The following PEX1 variants were observed in gnomAD, a reference collection of about 807,000 sequenced individuals.
PEX1 encodes peroxisomal ATPase PEX1.
A neutral mutation model predicts 152.5 loss-of-function variants in PEX1; 97 were observed. The observed-to-expected ratio is 0.64, with a 90% CI of 0.54 to 0.75. The LOEUF is 0.75. Ranked by LOEUF, PEX1 falls within the 30% of genes least tolerant of loss-of-function variation. The pLI is 0.00. For missense variants in PEX1, 1,357 were observed against 1,516.3 expected, an observed-to-expected ratio of 0.89 and a Z score of 1.74; for synonymous variants, 485 against 531.6, an observed-to-expected ratio of 0.91 and a Z score of 1.21.
intron 12 of PEX1, among the ~76,000 whole-genome samples, chr7:92,503,888 CA>C (rs1792052398): frequency 6.6e-6 from 1 of 152,086 alleles, no homozygotes; most frequent in Non-Finnish European, 1.5e-5. Flanking sequence ...AACCTTGAAG[CA>C]AGTCAATGCT....
At position 92,487,561 on chromosome 7, in the gene PEX1, A is replaced by T. The variant is rs991200065; in HGVS notation, c.3768-20T>A. On this transcript the variant is annotated intron_variant, in intron 23 of 23. Coordinates refer to ENST00000248633, the MANE Select transcript of PEX1 (RefSeq NM_000466.3). ...TCATATCTGAAAAAAGAAAGAGATA[A>T]TTTAATATGTATAAATACTACCATT... The T allele has an allele frequency of 5.9e-6, 7 of 1,179,378 alleles. No homozygotes were observed. In the African/African-American group the frequency reaches 9.0e-5, roughly 15 times the overall value. 73.1% of individuals were successfully genotyped at this position (1,179,378 alleles called of 1,614,324 possible).
chr7:92,522,743 A>T (rs533600607), intron 1 of PEX1, among the ~76,000 whole-genome samples: 141 of 152,336 alleles, frequency 9.3e-4, no homozygotes, highest in African/African-American at 3.3e-3. Context: ...TATCATCTTT[A>T]AAAATGTAGC....
intron 5 of PEX1, among the ~76,000 whole-genome samples, chr7:92,515,746 C>A (rs1305491358): frequency 6.6e-6 from 1 of 152,166 alleles, no homozygotes; most frequent in Non-Finnish European, 1.5e-5. Context: ...GTAATCCCAG[C>A]ACCTTGGGAG....
chr7:92,515,061 A>ATT (rs1792663351), intron 5 of PEX1, among the ~76,000 whole-genome samples: 1 of 136,044 alleles, frequency 7.4e-6, no homozygotes, highest in Non-Finnish European at 1.6e-5. Flanking sequence ...AAAAAAAAAA[A>ATT]ATTATCTATA....
intron 10 of PEX1, 27 bp from the exon 11 acceptor site, chr7:92,506,371 TCCCA>T: frequency 7.4e-7 from 1 of 1,344,876 alleles, no homozygotes; most frequent in Non-Finnish European, 1.1e-6. Context: ...TTATAGGAAT[TCCCA>T]ATATATTCAG....
rs145459569 is a variant in PEX1, at chr7:92,527,138, T to C, written c.129+1169A>G. Among the ~76,000 whole-genome samples, 104 of 152,330 alleles carry C rather than the reference T, an allele frequency of 6.8e-4. No individual in the cohort carries two copies. In the East Asian group the frequency reaches 0.019, roughly 28 times the overall value. ...TGCATGAATTAATTCTTATAAGTACTTCCCGAAGGCTCAAAATTTAAAACA... is the reference window on the plus strand; with the variant it reads ...TGCATGAATTAATTCTTATAAGTACCTCCCGAAGGCTCAAAATTTAAAACA... On this transcript the variant is annotated intron_variant, in intron 1 of 23. Transcript: ENST00000248633.
intron 5 of PEX1, among the ~76,000 whole-genome samples, chr7:92,516,064 AG>A (rs1316594257): frequency 0.12 from 8,628 of 71,588 alleles, 328 homozygotes; most frequent in Middle Eastern, 0.19. Context: ...AAAAAAGAAA[AG>A]AAAAGAAAAG....
In PEX1 at chr7:92,493,158, TAAAA is replaced by T. The variant is rs780108042; in HGVS notation, c.3031-33_3031-30del. 111 of 1,249,310 alleles carry T rather than the reference TAAAA, an allele frequency of 8.9e-5. 1 individual carries two copies. In the East Asian group the frequency reaches 2.1e-3, roughly 24 times the overall value. The allele number at this position is 1,249,310 out of a possible 1,614,324, so 77.4% of individuals were successfully genotyped here. ...AAAGGAGAAAAATTTATTTAACAAA[TAAAA>T]AATAAAATTAAAAATATTATCTTAA... is the stretch of plus-strand genomic sequence containing the variant. On this transcript the variant is annotated intron_variant, in intron 19 of 23. Coordinates refer to ENST00000248633, the MANE Select transcript of PEX1 (RefSeq NM_000466.3).
Position 92,519,017 on chromosome 7 carries a change from G to A in PEX1, c.335C>T (p.Ser112Leu). 2 of 1,611,548 alleles carry A rather than the reference G, an allele frequency of 1.2e-6. No homozygotes were observed. The highest frequency in any genetic ancestry group is 1.7e-6 in the Non-Finnish European group (2 of 1,177,696). Reference sequence around the variant, plus strand: ...TACCAGTATCTCCCAATCATCTGCTGAGAGGGGTTCCACCTCAACTTGTTG... The same window carrying A: ...TACCAGTATCTCCCAATCATCTGCTAAGAGGGGTTCCACCTCAACTTGTTG... ...SCQQVEVEPL[S>L]ADDWEILELH... is the part of the protein sequence containing the mutation. Residue 112 changes from serine (S) to leucine (L), a missense_variant, in exon 3 of 24, where the codon TCA becomes TTA. Transcript: ENST00000248633.
chr7:92,501,556 A>G lies in PEX1; in HGVS notation c.2534T>C (p.Leu845Ser), dbSNP rs146209557. Residue 845 changes from leucine (L) to serine (S), a missense_variant, in exon 15 of 24, where the codon TTA becomes TCA. Coordinates refer to ENST00000248633, the MANE Select transcript of PEX1 (RefSeq NM_000466.3). ...CATGAGTATCTGCCTAACTTCATGT[A>G]ACCCACCAATCTTGTCCCAACCCAG... ...RDLGWDKIGG[L>S]HEVRQILMDT... 3 of 1,613,858 alleles carry G rather than the reference A, an allele frequency of 1.9e-6. No homozygotes were observed. In the African/African-American group the frequency reaches 4.0e-5, roughly 22 times the overall value.
rs1238710210 is a variant in PEX1, at chr7:92,517,748, T to A, written c.767A>T (p.Gln256Leu). ...WTMIGSIFSF[Q>L]SEKKQETSWG... ...AGATGTCTCTTGTTTCTTCTCAGAT[T>A]GAAAGGAAAAAATGCTTCCTATCAT... The change falls in exon 5 of 24, where the codon CAA (glutamine) becomes CTA (leucine). Residue 256 changes from glutamine to leucine, a missense_variant. Transcript: ENST00000248633. The A allele has an allele frequency of 1.1e-5, 18 of 1,602,508 alleles. No homozygotes were observed. The highest frequency in any genetic ancestry group is 1.7e-4 in the Middle Eastern group (1 of 5,982).
At chr7:92,503,876 A>G (rs971513200) in intron 12 of PEX1, among the ~76,000 whole-genome samples, 2 of 152,168 alleles carry the variant, frequency 1.3e-5, no homozygotes, top group African/African-American at 4.8e-5. Flanking sequence ...TCAGCTCTTA[A>G]GAACCTTGAA....
Position 92,518,963 on chromosome 7 carries a change from A to G in PEX1, c.357+32T>C, listed in dbSNP as rs766846710. 3.5e-6 allele frequency: 5 copies of G among 1,438,252 alleles called. No individual in the cohort carries two copies. The Admixed American group carries it at 6.7e-5, about 19-fold the overall frequency. The allele number at this position is 1,438,252 out of a possible 1,614,324, so 89.1% of individuals were successfully genotyped here. ...TGATATTGTGAAGTAATTTAACCTT[A>G]AATGAGATAGTTCTTATTTGGTTTT... On this transcript the variant is annotated intron_variant, in intron 3 of 23. Coordinates refer to ENST00000248633, the MANE Select transcript of PEX1 (RefSeq NM_000466.3).
rs1791927158 is a variant in PEX1, at chr7:92,501,578, C to A, written c.2512G>T (p.Gly838Cys). ...TGTAACCCACCAATCTTGTCCCAAC[C>A]CAGGTCTCTAGGTTTATGCAGGTTG... ...SVNLHKPRDL[G>C]WDKIGGLHEV... Residue 838 changes from glycine (G) to cysteine (C), a missense_variant, in exon 15 of 24, where the codon GGT (glycine) becomes TGT (cysteine). By Grantham distance (159) the Gly-to-Cys change is radical. Coordinates refer to ENST00000248633, the MANE Select transcript of PEX1 (RefSeq NM_000466.3). 2 of 1,613,764 alleles carry A rather than the reference C, an allele frequency of 1.2e-6. No homozygotes were observed. The highest frequency in any genetic ancestry group is 1.7e-5 in the Admixed American group (1 of 59,972).
intron 2 of PEX1, among the ~76,000 whole-genome samples, chr7:92,521,515 A>G (rs543865900): frequency 1.3e-5 from 2 of 151,752 alleles, no homozygotes; most frequent in African/African-American, 4.8e-5. Context: ...GCTCACTGCA[A>G]CCTCCACCTC....
chr7:92,504,119 C>T lies in PEX1; in HGVS notation c.2071+613G>A, dbSNP rs192071866. On this transcript the variant is annotated intron_variant, in intron 12 of 23. Transcript: ENST00000248633. ...TTGTCAACTCCTCCAAAAAGCCTTC[C>T]CTGATAACTCCTTATCCCACCTCAC... Among the ~76,000 whole-genome samples the T allele has an allele frequency of 2.6e-5, 4 of 152,080 alleles. No homozygotes were observed. In the East Asian group the frequency reaches 5.8e-4, roughly 22 times the overall value.
At chr7:92,491,116 T>G (rs1221133847) in intron 21 of PEX1, 156 bp downstream of exon 21, 1 of 611,504 alleles carries the variant, frequency 1.6e-6, no homozygotes, top group Non-Finnish European at 2.9e-6. Context: ...GAATGCAAAT[T>G]ACCAATTAGT....
intron 2 of PEX1, 83 bp downstream of exon 2, chr7:92,522,019 C>G: frequency 6.9e-7 from 1 of 1,455,260 alleles, no homozygotes; most frequent in Non-Finnish European, 9.6e-7. Flanking sequence ...CCTCCTTTAA[C>G]AAAAAATCTA....
At chr7:92,507,182 C>G in intron 9 of PEX1, 56 bp from the exon 10 acceptor site, 2 of 1,532,492 alleles carry the variant, frequency 1.3e-6, no homozygotes, top group Non-Finnish European at 1.8e-6. Flanking sequence ...TAAAATTTAG[C>G]TATAAAAAAA....
Sources: gnomAD v4.1 joint callset for allele counts (sites outside exome capture counted in the v4.1 genomes callset) on GRCh38, gnomAD v4.1.1 for gene constraint, MANE v1.5 for transcripts, NCBI Gene and HGNC (gene_info 2026-07-23, HGNC 2026-07-21) for gene names.